Variants in TMEM144 observed in about 807,000 individuals in gnomAD.
TMEM144 encodes the protein transmembrane protein 144.
Under a neutral mutation model 43.6 loss-of-function variants are expected in TMEM144, and 39 were observed. The ratio of observed to expected loss-of-function variants is 0.90; its 90% CI spans 0.69 to 1.17. The LOEUF (loss-of-function observed/expected upper bound fraction) is 1.17, where lower values mean the gene tolerates loss of function less well. Ranked by LOEUF, TMEM144 falls within the 50% of genes most tolerant of loss-of-function variation. TMEM144 has a pLI of 0.00. For synonymous variants in TMEM144, 154 were observed against 133.6 expected (o/e 1.15, Z -1.06); for missense variants, 417 against 411.9 (o/e 1.01, Z -0.11).
chr4:158,238,064 T>C (rs562274086), intron 9 of TMEM144, among the ~76,000 whole-genome samples: 1 of 152,320 alleles, frequency 6.6e-6, no homozygotes, highest in South Asian at 2.1e-4. Flanking sequence ...TACAGAGTCA[T>C]GCACTGGAAG....
rs1452312030 is a variant in TMEM144, at chr4:158,254,055, G to T, written c.*528G>T. ...ATGTTAAAAAGGCCATTTTATTATTGTTAGCCAAAACTTCTGTTTATTTCA... is the reference window on the plus strand; with the variant it reads ...ATGTTAAAAAGGCCATTTTATTATTTTTAGCCAAAACTTCTGTTTATTTCA... On this transcript the variant is annotated 3_prime_UTR_variant, in exon 13 of 13. Transcript: ENST00000296529. The T allele has an allele frequency of 2.0e-5, 3 of 152,158 alleles. No homozygotes were observed. Among genetic ancestry groups the T allele is most frequent in the African/African-American group, 7.2e-5 (3 of 41,418 alleles). 9.4% of individuals were successfully genotyped at this position (152,158 alleles called of 1,614,324 possible).
intron 2 of TMEM144, chr4:158,212,167 AT>A (rs2111096193): frequency 6.6e-6 from 1 of 152,338 alleles, no homozygotes; most frequent in East Asian, 1.9e-4. Context: ...CTTTTTTCTC[AT>A]GTATCTCGGG....
rs150213113 is a variant in TMEM144 at position 158,250,624 on chromosome 4, C to T, written c.955-2820C>T. Among the ~76,000 whole-genome samples the T allele has an allele frequency of 4.0e-3, 615 of 152,318 alleles. 3 individuals carry two copies. Among genetic ancestry groups the T allele is most frequent in the African/African-American group, 0.014 (576 of 41,572 alleles). ...AGCAAAGACAGAACCACCCTCTACC[C>T]TCTGACCCCTTGCATCTATGCTGGG... On this transcript the variant is annotated intron_variant, in intron 12 of 12. Transcript: ENST00000296529.
chr4:158,230,128 G>A (rs945480690), intron 6 of TMEM144, among the ~76,000 whole-genome samples: 14 of 152,224 alleles, frequency 9.2e-5, no homozygotes, highest in African/African-American at 2.7e-4. Flanking sequence ...AGGTTTGCAA[G>A]TGGGATCTTC....
Position 158,240,520 on chromosome 4 carries a change from G to A in TMEM144, c.802+102G>A, listed in dbSNP as rs557904825. On this transcript the variant is annotated intron_variant, in intron 10 of 12. Transcript: ENST00000296529. ...CTGGAAACAAAGCCATCCTCTGTGT[G>A]TATATGTGGTGTGTGTGTGTTGTGT... 1.5e-5 allele frequency: 19 copies of A among 1,287,270 alleles called. No homozygotes were observed. In the Admixed American group the frequency reaches 3.4e-4, roughly 23 times the overall value. The allele number at this position is 1,287,270 out of a possible 1,614,324, so 79.7% of individuals were successfully genotyped here. A position where few individuals can be genotyped will look rare whatever the true frequency, so the allele number is the denominator to read the frequency against.
In TMEM144 at chr4:158,235,573, A is replaced by G. The variant is rs1418805589; in HGVS notation, c.563+68A>G. On this transcript the variant is annotated intron_variant, in intron 8 of 12. Coordinates refer to ENST00000296529, the MANE Select transcript of TMEM144 (RefSeq NM_018342.5). ...TTTGGTTAAAGCAGGGATTACCAGC[A>G]TGAAGTAATGTTCATCTGAGTTCAA... 4.1e-6 allele frequency: 6 copies of G among 1,456,452 alleles called. No individual in the cohort carries two copies. In the East Asian group the frequency reaches 9.3e-5, roughly 23 times the overall value. 90.2% of individuals were successfully genotyped at this position (1,456,452 alleles called of 1,614,324 possible).
chr4:158,243,647 C>T (rs1204549777), intron 11 of TMEM144, among the ~76,000 whole-genome samples: 1 of 151,946 alleles, frequency 6.6e-6, no homozygotes, highest in Non-Finnish European at 1.5e-5. Context: ...TCACCTGTTT[C>T]TTCTCATTTC....
chr4:158,243,944 T>C (rs1369439580), intron 11 of TMEM144, among the ~76,000 whole-genome samples: 2 of 152,218 alleles, frequency 1.3e-5, no homozygotes, highest in Non-Finnish European at 2.9e-5. Flanking sequence ...GTGCACACTT[T>C]TTCTTATTAA....
Position 158,212,706 on chromosome 4 carries a change from C to T in TMEM144, c.39C>T (p.Ile13=), listed in dbSNP as rs11556228. 0.032 allele frequency: 51,454 copies of T among 1,613,560 alleles called. 1,017 individuals are homozygous for T. The highest frequency in any genetic ancestry group is 0.037 in the Non-Finnish European group (43,781 of 1,179,678). ...NNGADLTFGY[I]SCFVAILLFG... is the part of the protein sequence containing the mutation. Reference sequence around the variant, plus strand: ...GAGCAGACCTAACCTTTGGTTACATCTCCTGTTTTGTAGCTATCCTTTTGT... The same window carrying T: ...GAGCAGACCTAACCTTTGGTTACATTTCCTGTTTTGTAGCTATCCTTTTGT... Residue 13 remains isoleucine, a synonymous_variant, in exon 3 of 13, where the codon ATC becomes ATT. Transcript: ENST00000296529.
chr4:158,232,809 T>G, intron 6 of TMEM144, 92 bp from the exon 7 acceptor site: 1 of 838,770 alleles, frequency 1.2e-6, no homozygotes, highest in Non-Finnish European at 1.9e-6. Flanking sequence ...AGGATCCGAT[T>G]ATTTAAGGTG....
chr4:158,211,803 T>C (rs1733972935), intron 2 of TMEM144: 2 of 152,234 alleles, frequency 1.3e-5, no homozygotes, highest in Admixed American at 1.3e-4. Context: ...AGTTTTGAAG[T>C]GATCCTTGTT....
intron 3 of TMEM144, 99 bp from the exon 4 acceptor site, chr4:158,215,092 A>C (rs1199347580): frequency 5.5e-6 from 8 of 1,467,626 alleles, no homozygotes; most frequent in East Asian, 2.3e-5. Flanking sequence ...GCATTTAATA[A>C]ATTGTGGCCA....
intron 12 of TMEM144, among the ~76,000 whole-genome samples, chr4:158,249,853 A>G (rs1412449674): frequency 6.6e-6 from 1 of 151,530 alleles, no homozygotes; most frequent in Admixed American, 6.6e-5. Context: ...ATTAAGAAAA[A>G]AAAAGGTGCT....
intron 6 of TMEM144, among the ~76,000 whole-genome samples, chr4:158,227,247 T>C (rs1393068859): frequency 6.6e-6 from 1 of 152,146 alleles, no homozygotes; most frequent in Middle Eastern, 3.2e-3. Context: ...GTGCTCACGA[T>C]GAGGTTTCCT....
At chr4:158,219,434 G>C (rs745849588) in intron 6 of TMEM144, 44 bp downstream of exon 6, 8 of 1,566,174 alleles carry the variant, frequency 5.1e-6, no homozygotes, top group Non-Finnish European at 7.0e-6. Context: ...TCAAAACATG[G>C]AGAGTGCTTT....
At chr4:158,235,243 T>A (rs932639216) in intron 7 of TMEM144, 195 bp from the exon 8 acceptor site, 7 of 512,912 alleles carry the variant, frequency 1.4e-5, no homozygotes, top group Non-Finnish European at 2.0e-5. Context: ...ACTTGCCAAC[T>A]GCCAAGTCAT....
At chr4:158,236,415 A>G (rs1487787924) in intron 8 of TMEM144, among the ~76,000 whole-genome samples, 1 of 152,124 alleles carries the variant, frequency 6.6e-6, no homozygotes, top group African/African-American at 2.4e-5. Flanking sequence ...AGATATTTTT[A>G]AAGAAAAATA....
chr4:158,242,766 TTAAGA>T (rs1735692659), intron 11 of TMEM144, among the ~76,000 whole-genome samples: 1 of 152,198 alleles, frequency 6.6e-6, no homozygotes, highest in Admixed American at 6.5e-5. Flanking sequence ...CAGCTTAATC[TTAAGA>T]TAGGAGCGAG....
chr4:158,212,842 T>C (rs1334306196), intron 3 of TMEM144, 66 bp downstream of exon 3: 4 of 1,220,714 alleles, frequency 3.3e-6, no homozygotes, highest in Non-Finnish European at 4.8e-6. Flanking sequence ...TTTTTGGTCT[T>C]TTAAAAGTAT....
Sources: allele counts gnomAD v4.1 joint callset (sites outside exome capture counted in the v4.1 genomes callset), GRCh38; gene constraint gnomAD v4.1.1; transcripts MANE v1.5; gene names NCBI Gene and HGNC (gene_info 2026-07-23, HGNC 2026-07-21).